The following COL15A1 variants were observed in gnomAD, a reference collection of about 807,000 sequenced individuals.
COL15A1 encodes collagen type XV alpha 1 chain.
In COL15A1, 111 loss-of-function variants were observed where a neutral mutation model predicts 165.9. The ratio of observed to expected loss-of-function variants is 0.67; its 90% CI spans 0.57 to 0.78. The LOEUF is 0.78. COL15A1 is among the 30% of genes least tolerant of loss of function. The pLI is 0.00. For synonymous variants in COL15A1, 659 were observed against 674.8 expected, an observed-to-expected ratio of 0.98 and a Z score of 0.36; for missense variants, 1,745 against 1,789.7, an observed-to-expected ratio of 0.98 and a Z score of 0.45.
chr9:98,962,527 AAC>A (rs977012177), intron 2 of COL15A1, among the ~76,000 whole-genome samples: 1 of 152,238 alleles, frequency 6.6e-6, no homozygotes, highest in Admixed American at 6.5e-5. Flanking sequence ...TATTAAAACA[AAC>A]ACACACACAT....
At position 99,044,763 on chromosome 9, in the gene COL15A1, G is replaced by A. The variant is rs778330377; in HGVS notation, c.2672G>A (p.Gly891Glu). The A allele has an allele frequency of 1.2e-6, 2 of 1,613,708 alleles. No individual in the cohort carries two copies. The highest frequency in any genetic ancestry group is 2.2e-5 in the South Asian group (2 of 91,064). The part of the protein sequence containing the change: ...KGEPGMHGAP[G>E]PMGPKGPPGH... ...GAACCTGGAATGCATGGAGCCCCAGGACCAATGGTAAGTCAGAGCGTCTCT... is the reference window on the plus strand; with the variant it reads ...GAACCTGGAATGCATGGAGCCCCAGAACCAATGGTAAGTCAGAGCGTCTCT... Residue 891 changes from glycine to glutamate, a missense_variant, in exon 26 of 42, where the codon GGA (glycine) becomes GAA (glutamate). Transcript: ENST00000375001.
At position 99,066,938 on chromosome 9, in the gene COL15A1, G is replaced by T; in HGVS notation, c.3708G>T (p.Gln1236His). The T allele has an allele frequency of 6.2e-7, 1 of 1,614,094 alleles. No individual in the cohort carries two copies. The change falls in exon 40 of 42, where the codon CAG becomes CAT. Residue 1236 changes from glutamine to histidine, a missense_variant. Gln to His is a conservative substitution (Grantham distance 24, BLOSUM62 0). Transcript: ENST00000375001. ...PFSGDIRADF[Q>H]CFKQARAAGL... is the part of the protein sequence containing the mutation. ...CTGGGGACATTCGAGCTGATTTTCA[G>T]TGCTTCAAGCAGGCCAGAGCTGCAG...
At chr9:98,967,488 C>T (rs781588479) in intron 2 of COL15A1, among the ~76,000 whole-genome samples, 9 of 152,220 alleles carry the variant, frequency 5.9e-5, no homozygotes, top group Non-Finnish European at 1.3e-4. Flanking sequence ...CTTCTTCCCC[C>T]ACAGCTGGGG....
chr9:99,042,414 G>A (rs1409255449), intron 24 of COL15A1, among the ~76,000 whole-genome samples: 1 of 152,148 alleles, frequency 6.6e-6, no homozygotes, highest in South Asian at 2.1e-4. Context: ...GAGAAGGTAC[G>A]AAGTGGGTAG....
Position 99,000,844 on chromosome 9 carries a change from G to A in COL15A1, c.958G>A (p.Gly320Ser), listed in dbSNP as rs199729589. Reference sequence around the variant, plus strand: ...AGAATGCCTGCTTCCTGTAGGGTCTGGTGAGATCCTGAATGACACACTGGA... The same window carrying A: ...AGAATGCCTGCTTCCTGTAGGGTCTAGTGAGATCCTGAATGACACACTGGA... ...IQHSSPKQGS[G>S]EILNDTLEGV... The change falls in exon 7 of 42, where the codon GGT (glycine) becomes AGT (serine). Residue 320 changes from glycine (G) to serine (S), a missense_variant. Physicochemically the swap from Gly to Ser is moderately conservative, Grantham distance 56. Coordinates refer to ENST00000375001, the MANE Select transcript of COL15A1 (RefSeq NM_001855.5). 2.8e-5 allele frequency: 43 copies of A among 1,527,572 alleles called. No individual in the cohort carries two copies. The East Asian group carries it at 9.2e-4, about 33-fold the overall frequency. 94.6% of individuals were successfully genotyped at this position (1,527,572 alleles called of 1,614,324 possible). A position where few individuals can be genotyped will look rare whatever the true frequency, so the allele number is the denominator to read the frequency against.
At chr9:98,960,022 GA>G (rs1184659053) in intron 2 of COL15A1, among the ~76,000 whole-genome samples, 1 of 152,054 alleles carries the variant, frequency 6.6e-6, no homozygotes, top group African/African-American at 2.4e-5. Context: ...CTGCCCTATG[GA>G]AATCCTCTGC....
intron 9 of COL15A1, among the ~76,000 whole-genome samples, chr9:99,012,735 G>A (rs1280875413): frequency 4.1e-5 from 5 of 121,100 alleles, no homozygotes; most frequent in Admixed American, 2.0e-4. Context: ...TTTTTGAGAC[G>A]GAGTCTCCCT....
rs1181016579 is a variant in COL15A1 at position 99,062,324 on chromosome 9, G to T, written c.3591+20G>T. ...AGCAACGTGAGTAGTTACCCTGTTG[G>T]ACTGCTCATGCATTCATTTATCAGC... On this transcript the variant is annotated intron_variant, in intron 38 of 41. Transcript: ENST00000375001. The T allele has an allele frequency of 1.3e-6, 2 of 1,564,150 alleles. No individual in the cohort carries two copies. The highest frequency in any genetic ancestry group is 1.8e-6 in the Non-Finnish European group (2 of 1,134,430).
In COL15A1 at chr9:99,035,057, A is replaced by G; in HGVS notation, c.2123A>G (p.Lys708Arg). Residue 708 changes from lysine (K) to arginine (R), a missense_variant, in exon 18 of 42, where the codon AAG becomes AGG. Lys to Arg is a conservative substitution (Grantham distance 26, BLOSUM62 2). Coordinates refer to ENST00000375001, the MANE Select transcript of COL15A1 (RefSeq NM_001855.5). ...NRGLPGPPGK[K>R]GQAGPPGVMG... Reference sequence around the variant, plus strand: ...GGCTTACCTGGACCCCCGGGGAAAAAGGGACAAGCTGGCCCTCCTGGGGTC... The same window carrying G: ...GGCTTACCTGGACCCCCGGGGAAAAGGGGACAAGCTGGCCCTCCTGGGGTC... 2 of 1,609,288 alleles carry G rather than the reference A, an allele frequency of 1.2e-6. No individual in the cohort carries two copies. The highest frequency in any genetic ancestry group is 1.7e-6 in the Non-Finnish European group (2 of 1,175,840).
At chr9:98,968,915 G>A (rs1837998746) in intron 2 of COL15A1, among the ~76,000 whole-genome samples, 2 of 152,134 alleles carry the variant, frequency 1.3e-5, no homozygotes, top group African/African-American at 4.8e-5. Flanking sequence ...TGCCTATTAA[G>A]CTATACTGGC....
At chr9:98,992,458 C>G (rs749567044) in intron 5 of COL15A1, among the ~76,000 whole-genome samples, 4 of 152,228 alleles carry the variant, frequency 2.6e-5, no homozygotes, top group African/African-American at 9.6e-5. Context: ...AAGCGCTGCA[C>G]GCAGCCCTGG....
intron 23 of COL15A1, chr9:99,041,130 G>C (rs1396077973): frequency 6.5e-6 from 1 of 153,518 alleles, no homozygotes; most frequent in Non-Finnish European, 1.5e-5. Flanking sequence ...GGAGTAAGGA[G>C]GGGGCCAAAT....
At chr9:98,949,351 T>C (rs1344808076) in intron 2 of COL15A1, among the ~76,000 whole-genome samples, 3 of 152,258 alleles carry the variant, frequency 2.0e-5, no homozygotes, top group African/African-American at 7.2e-5. Flanking sequence ...AACATTCTTG[T>C]ACATTTCTCT....
At chr9:98,955,997 T>C (rs867397715) in intron 2 of COL15A1, among the ~76,000 whole-genome samples, 1 of 152,224 alleles carries the variant, frequency 6.6e-6, no homozygotes, top group Admixed American at 6.5e-5. Context: ...GTGCTTCACA[T>C]GAACCTAAGA....
Position 98,943,968 on chromosome 9 carries a change from G to T in COL15A1, c.-94G>T. ...TGTTCCCTGCAGGAAGGGCGAGCGC[G>T]GCGGCCAGCGCTCAGCGACCCTTCG... On this transcript the variant is annotated 5_prime_UTR_variant, in exon 1 of 42. Coordinates refer to ENST00000375001, the MANE Select transcript of COL15A1 (RefSeq NM_001855.5). The T allele has an allele frequency of 1.3e-6, 2 of 1,542,898 alleles. No individual in the cohort carries two copies. Among genetic ancestry groups the T allele is most frequent in the Non-Finnish European group, 1.8e-6 (2 of 1,131,050 alleles).
intron 39 of COL15A1, among the ~76,000 whole-genome samples, 198 bp downstream of exon 39, chr9:99,063,307 AG>A (rs909411548): frequency 1.1e-4 from 16 of 152,120 alleles, no homozygotes; most frequent in African/African-American, 3.4e-4. Flanking sequence ...GGTATAAGGG[AG>A]GGCAGAGACG....
chr9:98,979,810 C>T (rs1486200666), intron 2 of COL15A1, among the ~76,000 whole-genome samples: 1 of 152,116 alleles, frequency 6.6e-6, no homozygotes, highest in Non-Finnish European at 1.5e-5. Flanking sequence ...AATCTGAGTT[C>T]ATGGCCAGCA....
At chr9:98,982,883 C>T (rs951365322) in intron 2 of COL15A1, among the ~76,000 whole-genome samples, 13 of 152,290 alleles carry the variant, frequency 8.5e-5, no homozygotes, top group African/African-American at 3.1e-4. Context: ...ATCTGCACTC[C>T]TTGGCCTCCC....
At chr9:98,959,056 A>G (rs1489911798) in intron 2 of COL15A1, among the ~76,000 whole-genome samples, 1 of 151,564 alleles carries the variant, frequency 6.6e-6, no homozygotes, top group Non-Finnish European at 1.5e-5. Context: ...TGGCTGAGAA[A>G]TTTTTCATAC....
Sources: allele counts gnomAD v4.1 joint callset (sites outside exome capture counted in the v4.1 genomes callset), GRCh38; gene constraint gnomAD v4.1.1; transcripts MANE v1.5; gene names NCBI Gene and HGNC (gene_info 2026-07-23, HGNC 2026-07-21).